The following TM2D3 variants were observed in gnomAD, a reference collection of about 807,000 sequenced individuals.
TM2D3 encodes TM2 domain containing 3, also known as TM2 domain-containing protein 3.
Under a neutral mutation model 27.3 loss-of-function variants are expected in TM2D3, and 33 were observed. The ratio of observed to expected loss-of-function variants is 1.21; its 90% confidence interval spans 0.92 to 1.61. The LOEUF is 1.61. Among genes scored for constraint, TM2D3 ranks in the 40% most tolerant of loss-of-function variants. The pLI is 0.00. For synonymous variants in TM2D3, 138 were observed against 122.2 expected (o/e 1.13, Z -0.85); for missense variants, 364 against 320.8 (o/e 1.13, Z -1.03).
chr15:101,652,011 C>A, intron 1 of TM2D3: 2 of 583,016 alleles, frequency 3.4e-6, no homozygotes, highest in Non-Finnish European at 6.0e-6. Flanking sequence ...TCCGCCTCCC[C>A]GGCCCAGCCC....
In TM2D3 at chr15:101,649,991, C is replaced by G. The variant is rs1051728668; in HGVS notation, c.327+13G>C. The stretch of plus-strand genomic sequence containing the variant: ...AATGAATTTATTTAGAATAAGTAAG[C>G]TGCAGTACTTACAACACAGGTAACA... On this transcript the variant is annotated intron_variant, in intron 3 of 5. Coordinates refer to ENST00000333202, the MANE Select transcript of TM2D3 (RefSeq NM_078474.3). The G allele has an allele frequency of 2.5e-6, 4 of 1,609,916 alleles. No individual in the cohort carries two copies. The African/African-American group carries it at 5.4e-5, about 22-fold the overall frequency.
chr15:101,640,869 T>C (rs1312725128), downstream of TM2D3, among the ~76,000 whole-genome samples: 1 of 152,230 alleles, frequency 6.6e-6, no homozygotes, highest in African/African-American at 2.4e-5. Context: ...ATTCTGAATC[T>C]TTGAGCTTTA....
intron 4 of TM2D3, chr15:101,633,860 G>T: frequency 1.4e-6 from 1 of 727,220 alleles, no homozygotes. Flanking sequence ...ATTGAGAAGA[G>T]ATGATCAAAA....
At chr15:101,646,704 T>A (rs764268996) in intron 4 of TM2D3, 21 bp downstream of exon 4, 3 of 1,613,894 alleles carry the variant, frequency 1.9e-6, no homozygotes, top group Non-Finnish European at 8.5e-7. Flanking sequence ...TGTTGACAAA[T>A]GTCCTTGAAC....
In TM2D3 at chr15:101,642,231, T is replaced by C; in HGVS notation, c.*248A>G. On this transcript the variant is annotated 3_prime_UTR_variant, in exon 6 of 6. Transcript: ENST00000333202. Reference sequence around the variant, plus strand: ...AGGAATTAAATGGATTTTCAATCACTGTATAATTCATTCTCCTGGCTTAAG... The same window carrying C: ...AGGAATTAAATGGATTTTCAATCACCGTATAATTCATTCTCCTGGCTTAAG... 1 of 1,174,874 alleles carries C rather than the reference T, an allele frequency of 8.5e-7. No homozygotes were observed. The highest frequency in any genetic ancestry group is 1.1e-6 in the Non-Finnish European group (1 of 951,202). 72.8% of individuals were successfully genotyped at this position (1,174,874 alleles called of 1,614,324 possible).
At chr15:101,633,829 A>G in intron 4 of TM2D3, 1 of 1,014,410 alleles carries the variant, frequency 9.9e-7, no homozygotes, top group Non-Finnish European at 1.4e-6. Flanking sequence ...ATATACCAAG[A>G]ACCAGGACAT....
chr15:101,636,715 CTA>C (rs1896558457), intron 4 of TM2D3: 1 of 213,450 alleles, frequency 4.7e-6, no homozygotes, highest in South Asian at 4.9e-5. Context: ...CATGGTAACT[CTA>C]TGTTTAACAT....
In TM2D3 at chr15:101,646,866, T is replaced by A. The variant is rs1431494387; in HGVS notation, c.361A>T (p.Ile121Phe). 6.2e-7 allele frequency: 1 copy of A among 1,614,222 alleles called. No homozygotes were observed. Among genetic ancestry groups the A allele is most frequent in the Non-Finnish European group, 8.5e-7 (1 of 1,180,036 alleles). ...QDFKSQKNFI[I>F]NMTCRFCWQL... ...CAGCAAAATCTGCAAGTCATGTTAA[T>A]GATGAAGTTCTTTTGGGATTTGAAG... Residue 121 changes from isoleucine (I) to phenylalanine (F), a missense_variant, in exon 4 of 6, where the codon ATT (isoleucine) becomes TTT (phenylalanine). Ile to Phe is a conservative substitution (Grantham distance 21, BLOSUM62 0). Transcript: ENST00000333202.
chr15:101,642,228 C>A lies in TM2D3; in HGVS notation c.*251G>T. 8.6e-7 allele frequency: 1 copy of A among 1,160,386 alleles called. No individual in the cohort carries two copies. The highest frequency in any genetic ancestry group is 1.1e-6 in the Non-Finnish European group (1 of 942,974). 71.9% of individuals were successfully genotyped at this position (1,160,386 alleles called of 1,614,324 possible). Reference sequence around the variant, plus strand: ...CATAGGAATTAAATGGATTTTCAATCACTGTATAATTCATTCTCCTGGCTT... The same window carrying A: ...CATAGGAATTAAATGGATTTTCAATAACTGTATAATTCATTCTCCTGGCTT... On this transcript the variant is annotated 3_prime_UTR_variant, in exon 6 of 6. Transcript: ENST00000333202.
rs201592525 is a variant in TM2D3 at position 101,646,884 on chromosome 15, A to C, written c.343T>G (p.Ser115Ala). 9 of 1,614,198 alleles carry C rather than the reference A, an allele frequency of 5.6e-6. No homozygotes were observed. The African/African-American group carries it at 1.2e-4, about 22-fold the overall frequency. ...ATGTTAATGATGAAGTTCTTTTGGG[A>C]TTTGAAGTCTTGATCCTATGTAGCA... ...SVTCVDQDFK[S>A]QKNFIINMTC... Residue 115 changes from serine to alanine, a missense_variant, in exon 4 of 6, where the codon TCC (serine) becomes GCC (alanine). By Grantham distance (99) the Ser-to-Ala change is moderately conservative. Transcript: ENST00000333202.
downstream of TM2D3, among the ~76,000 whole-genome samples, chr15:101,641,391 A>T (rs543847088): frequency 6.6e-6 from 1 of 152,344 alleles, no homozygotes; most frequent in East Asian, 1.9e-4. Context: ...AACTAAGAAA[A>T]GGACTGTGCT....
At position 101,642,352 on chromosome 15, in the gene TM2D3, A is replaced by ATC. The variant is rs1460448239; in HGVS notation, c.*125_*126dup. 7.4e-7 allele frequency: 1 copy of ATC among 1,350,238 alleles called. No individual in the cohort carries two copies. The highest frequency in any genetic ancestry group is 1.5e-5 in the African/African-American group (1 of 67,400). The allele number at this position is 1,350,238 out of a possible 1,614,324, so 83.6% of individuals were successfully genotyped here. ...TCAGCGTTTCATTTATCTTACCTTT[A>ATC]TCAAGGCAAACAAAGTACAGATGCT... On this transcript the variant is annotated 3_prime_UTR_variant, in exon 6 of 6. Coordinates refer to ENST00000333202, the MANE Select transcript of TM2D3 (RefSeq NM_078474.3).
intron 1 of TM2D3, 34 bp from the exon 2 acceptor site, chr15:101,651,807 G>T (rs1329839432): frequency 3.7e-6 from 6 of 1,607,602 alleles, no homozygotes; most frequent in Non-Finnish European, 5.1e-6. Context: ...AGAGAAACAC[G>T]TTATCCCGGG....
At chr15:101,648,073 T>G (rs1451426955) in intron 3 of TM2D3, 1 of 151,956 alleles carries the variant, frequency 6.6e-6, no homozygotes, top group African/African-American at 2.4e-5. Context: ...AATTTTTGTA[T>G]TTTTAGTACA....
chr15:101,645,489 A>C (rs1896781560), intron 4 of TM2D3: 1 of 295,668 alleles, frequency 3.4e-6, no homozygotes, highest in African/African-American at 2.3e-5. Flanking sequence ...AGAACCAGAA[A>C]TATACAAACA....
intron 2 of TM2D3, chr15:101,650,757 C>T (rs938529294): frequency 1.4e-4 from 21 of 152,232 alleles, no homozygotes; most frequent in African/African-American, 5.1e-4. Context: ...ACTTTAATAA[C>T]ATCTTCAGTA....
downstream of TM2D3, among the ~76,000 whole-genome samples, chr15:101,638,216 C>G (rs1354944635): frequency 1.3e-5 from 2 of 152,136 alleles, no homozygotes; most frequent in Non-Finnish European, 2.9e-5. Flanking sequence ...TTTCACTTCC[C>G]CCAGCAGTAA....
chr15:101,641,933 A>C lies in TM2D3; in HGVS notation c.*546T>G. On this transcript the variant is annotated 3_prime_UTR_variant, in exon 6 of 6. Coordinates refer to ENST00000333202, the MANE Select transcript of TM2D3 (RefSeq NM_078474.3). ...AAATTTAAACCATAACTAGACATAA[A>C]CATTCTGCAGTTTAATTCAAATTTT... 1.0e-6 allele frequency: 1 copy of C among 984,328 alleles called. No homozygotes were observed. Among genetic ancestry groups the C allele is most frequent in the Non-Finnish European group, 1.2e-6 (1 of 828,910 alleles). 61.0% of individuals were successfully genotyped at this position (984,328 alleles called of 1,614,324 possible).
chr15:101,649,263 G>A (rs1896904795), intron 3 of TM2D3, among the ~76,000 whole-genome samples: 1 of 151,844 alleles, frequency 6.6e-6, no homozygotes, highest in Non-Finnish European at 1.5e-5. Flanking sequence ...ACATATTCTA[G>A]AAACGCTTTT....
Sources: gnomAD v4.1 joint callset for allele counts (sites outside exome capture counted in the v4.1 genomes callset) on GRCh38, gnomAD v4.1.1 for gene constraint, MANE v1.5 for transcripts, NCBI Gene and HGNC (gene_info 2026-07-23, HGNC 2026-07-21) for gene names.